The following IKZF2 variants were observed in gnomAD, a reference collection of about 807,000 sequenced individuals.
IKZF2 encodes the protein zinc finger protein Helios.
Under a neutral mutation model 49.2 loss-of-function variants are expected in IKZF2, and 15 were observed. The ratio of observed to expected loss-of-function variants is 0.30; its 90% CI spans 0.20 to 0.47. The LOEUF is 0.47. Among genes scored for constraint, IKZF2 ranks in the 20% least tolerant of loss-of-function variants. IKZF2 has a pLI of 1.00. For synonymous variants in IKZF2, 227 were observed against 221.4 expected (o/e 1.03, Z -0.23); for missense variants, 567 against 664.6 (o/e 0.85, Z 1.61).
chr2:213,110,488 A>G (rs1471010942), intron 4 of IKZF2, among the ~76,000 whole-genome samples: 1 of 151,436 alleles, frequency 6.6e-6, no homozygotes, highest in East Asian at 1.9e-4. Flanking sequence ...ATCTTTCCAT[A>G]TTCATGATTC....
chr2:213,063,970 T>C (rs1364092334), intron 4 of IKZF2, among the ~76,000 whole-genome samples: 3 of 152,050 alleles, frequency 2.0e-5, no homozygotes, highest in African/African-American at 7.2e-5. Flanking sequence ...AACCAAACTA[T>C]TGAATTATGA....
At chr2:213,134,788 T>C (rs1236005781) in intron 4 of IKZF2, among the ~76,000 whole-genome samples, 3 of 152,218 alleles carry the variant, frequency 2.0e-5, no homozygotes, top group African/African-American at 4.8e-5. Context: ...GATTCACTTA[T>C]AAATTCTGAT....
intron 6 of IKZF2, among the ~76,000 whole-genome samples, chr2:213,029,116 A>G (rs1016630998): frequency 6.6e-6 from 1 of 152,018 alleles, no homozygotes; most frequent in Admixed American, 6.6e-5. Flanking sequence ...GAATACCGTT[A>G]TGCAGTATTT....
intron 4 of IKZF2, among the ~76,000 whole-genome samples, chr2:213,072,749 A>G (rs58603780): frequency 0.42 from 63,717 of 151,890 alleles, 14,211 homozygotes; most frequent in African/African-American, 0.52. Context: ...TTTTTATTTT[A>G]AGCTTTTGCT....
intron 5 of IKZF2, among the ~76,000 whole-genome samples, chr2:213,055,368 A>G (rs1421590762): frequency 6.6e-6 from 1 of 152,062 alleles, no homozygotes; most frequent in African/African-American, 2.4e-5. Flanking sequence ...TTGATCTTTC[A>G]ACCTTTTCTA....
intron 4 of IKZF2, among the ~76,000 whole-genome samples, chr2:213,094,343 G>A (rs916990349): frequency 1.7e-4 from 26 of 152,086 alleles, no homozygotes; most frequent in African/African-American, 5.8e-4. Flanking sequence ...TGATAGCTAC[G>A]TATTTAACAA....
intron 8 of IKZF2, among the ~76,000 whole-genome samples, chr2:213,013,337 T>C (rs1696184582): frequency 6.6e-6 from 1 of 151,792 alleles, no homozygotes; most frequent in Admixed American, 6.6e-5. Context: ...CCTTGAGCAG[T>C]AGGATATAAA....
intron 4 of IKZF2, among the ~76,000 whole-genome samples, chr2:213,116,833 T>A (rs900265151): frequency 2.0e-5 from 3 of 152,360 alleles, no homozygotes; most frequent in East Asian, 1.9e-4. Flanking sequence ...TACTTGTGCA[T>A]GTTCCCCTTC....
intron 5 of IKZF2, among the ~76,000 whole-genome samples, chr2:213,055,270 T>C (rs1001637611): frequency 5.3e-5 from 8 of 152,092 alleles, no homozygotes; most frequent in Non-Finnish European, 8.8e-5. Context: ...TTTTTAGAAC[T>C]GTCGTTAGAA....
At chr2:213,030,807 T>C (rs1004870178) in intron 6 of IKZF2, among the ~76,000 whole-genome samples, 62 of 136,620 alleles carry the variant, frequency 4.5e-4, no homozygotes, top group Non-Finnish European at 7.5e-4. Flanking sequence ...ATTAGTACTA[T>C]TTTTCTTTTT....
intron 6 of IKZF2, among the ~76,000 whole-genome samples, chr2:213,031,904 C>T (rs1170990177): frequency 1.3e-5 from 2 of 152,058 alleles, no homozygotes; most frequent in South Asian, 2.1e-4. Context: ...TAATAATAAA[C>T]ATTATATTCA....
chr2:213,082,987 T>A (rs1207777045), intron 4 of IKZF2, among the ~76,000 whole-genome samples: 1 of 152,240 alleles, frequency 6.6e-6, no homozygotes, highest in Non-Finnish European at 1.5e-5. Context: ...CATTTTATAT[T>A]TCTTTTCCTT....
chr2:213,078,565 G>A (rs1293682191), intron 4 of IKZF2, among the ~76,000 whole-genome samples: 1 of 152,148 alleles, frequency 6.6e-6, no homozygotes, highest in Non-Finnish European at 1.5e-5. Flanking sequence ...AGAATTATTT[G>A]AGCAAAATCA....
intron 4 of IKZF2, among the ~76,000 whole-genome samples, chr2:213,074,389 A>T (rs1022828085): frequency 1.6e-4 from 25 of 152,170 alleles, no homozygotes; most frequent in African/African-American, 5.5e-4. Flanking sequence ...ACTGTACTGA[A>T]TACGTAGGCA....
chr2:213,028,166 T>G (rs10178238), intron 6 of IKZF2, among the ~76,000 whole-genome samples: 80,032 of 151,748 alleles, frequency 0.53, 22,199 homozygotes, highest in East Asian at 0.8. Context: ...TTTCCCCCCT[T>G]AAATTATCTC....
intron 4 of IKZF2, among the ~76,000 whole-genome samples, chr2:213,083,345 A>C (rs1447441083): frequency 6.7e-6 from 1 of 149,626 alleles, no homozygotes; most frequent in East Asian, 2.0e-4. Flanking sequence ...ACCTCCTGTC[A>C]GATCAGCTAT....
chr2:213,073,022 T>C (rs572338649), intron 4 of IKZF2, among the ~76,000 whole-genome samples: 2 of 152,260 alleles, frequency 1.3e-5, no homozygotes, highest in East Asian at 1.9e-4. Flanking sequence ...ACTTATCCAG[T>C]ATAAGTACAG....
intron 4 of IKZF2, among the ~76,000 whole-genome samples, chr2:213,136,490 A>C (rs191615078): frequency 6.6e-6 from 1 of 152,072 alleles, no homozygotes; most frequent in Non-Finnish European, 1.5e-5. Context: ...ATAAATCTGA[A>C]GATATCATTT....
intron 4 of IKZF2, among the ~76,000 whole-genome samples, chr2:213,076,616 GA>G (rs1252369540): frequency 6.6e-6 from 1 of 152,112 alleles, no homozygotes; most frequent in Non-Finnish European, 1.5e-5. Context: ...GTTTAATATA[GA>G]AAAGAGAATA....
Sources: gnomAD v4.1 joint callset for allele counts (sites outside exome capture counted in the v4.1 genomes callset) on GRCh38, gnomAD v4.1.1 for gene constraint, MANE v1.5 for transcripts, NCBI Gene and HGNC (gene_info 2026-07-23, HGNC 2026-07-21) for gene names.